The following WNT2 variants were observed in gnomAD, a reference collection of about 807,000 sequenced individuals.
WNT2 encodes the protein Wnt family member 2, also known as protein Wnt-2.
WNT2 carries 12 observed loss-of-function variants against 36.9 expected under a neutral mutation model. The ratio of observed to expected loss-of-function variants is 0.33; its 90% confidence interval spans 0.21 to 0.53. The LOEUF is 0.53. Among genes scored for constraint, WNT2 ranks in the 20% least tolerant of loss-of-function variants. The pLI is 0.95. For missense variants in WNT2, 379 were observed against 473.1 expected, an observed-to-expected ratio of 0.80 and a Z score of 1.84; for synonymous variants, 163 against 174.6, an observed-to-expected ratio of 0.93 and a Z score of 0.52.
chr7:117,288,185 A>G lies in WNT2; in HGVS notation c.853+9427T>C, dbSNP rs545256849. 3.3e-5 allele frequency among the ~76,000 whole-genome samples: 5 copies of G among 152,340 alleles called. No homozygotes were observed. The South Asian group carries it at 1.0e-3, about 32-fold the overall frequency. On this transcript the variant is annotated intron_variant, in intron 4 of 4. Coordinates refer to ENST00000265441, the MANE Select transcript of WNT2 (RefSeq NM_003391.3). ...GGCACATTTTTAAATGATAGAAATTAAAAATGACAACTTAAGAAAGTTTGT... is the reference window on the plus strand; with the variant it reads ...GGCACATTTTTAAATGATAGAAATTGAAAATGACAACTTAAGAAAGTTTGT...
chr7:117,306,467 T>C (rs777273050), intron 3 of WNT2, among the ~76,000 whole-genome samples: 12 of 152,254 alleles, frequency 7.9e-5, no homozygotes, highest in Non-Finnish European at 1.5e-5. Context: ...CTCTTGCTAA[T>C]GTGGGATACC....
intron 2 of WNT2, among the ~76,000 whole-genome samples, chr7:117,319,178 T>C (rs1795274737): frequency 6.6e-6 from 1 of 152,228 alleles, no homozygotes; most frequent in Admixed American, 6.5e-5. Flanking sequence ...CAAGGTCCAG[T>C]TTCTTTAATT....
At position 117,320,553 on chromosome 7, in the gene WNT2, G is replaced by A; in HGVS notation, c.310+14C>T. 6.2e-7 allele frequency: 1 copy of A among 1,609,076 alleles called. No individual in the cohort carries two copies. The highest frequency in any genetic ancestry group is 8.5e-7 in the Non-Finnish European group (1 of 1,177,444). On this transcript the variant is annotated intron_variant, in intron 2 of 4. Coordinates refer to ENST00000265441, the MANE Select transcript of WNT2 (RefSeq NM_003391.3). ...GTGGAGAGCCATAGGGCTGGGTGAA[G>A]GCAGGAGACTTACTTCGGAGTAGGA...
chr7:117,299,168 C>T (rs911540669), intron 3 of WNT2, among the ~76,000 whole-genome samples: 3 of 152,160 alleles, frequency 2.0e-5, no homozygotes, highest in African/African-American at 7.2e-5. Context: ...TGTGCCCCAC[C>T]CCCATCTTTA....
chr7:117,298,121 A>T (rs1037763626), intron 3 of WNT2, among the ~76,000 whole-genome samples: 1 of 152,190 alleles, frequency 6.6e-6, no homozygotes, highest in African/African-American at 2.4e-5. Context: ...CCCACTGGCT[A>T]TCAGTATAAC....
chr7:117,291,237 G>T (rs572014844), intron 4 of WNT2, among the ~76,000 whole-genome samples: 6 of 152,256 alleles, frequency 3.9e-5, no homozygotes, highest in Non-Finnish European at 8.8e-5. Context: ...TGGGTTTTTC[G>T]CAGGCAACAA....
At chr7:117,315,574 C>T (rs888329983) in intron 2 of WNT2, among the ~76,000 whole-genome samples, 1 of 152,204 alleles carries the variant, frequency 6.6e-6, no homozygotes, top group Non-Finnish European at 1.5e-5. Flanking sequence ...TGTGTGGCAG[C>T]TCTTCTTAAA....
chr7:117,320,932 G>A, intron 1 of WNT2, 139 bp from the exon 2 acceptor site: 2 of 797,082 alleles, frequency 2.5e-6, no homozygotes, highest in Non-Finnish European at 3.9e-6. Flanking sequence ...GAAAGCAAGG[G>A]TATTTACTTT....
intron 2 of WNT2, among the ~76,000 whole-genome samples, chr7:117,317,207 T>C (rs528153746): frequency 8.5e-5 from 13 of 152,318 alleles, no homozygotes; most frequent in Admixed American, 8.5e-4. Context: ...ACGGGGATGA[T>C]ACTATATCAG....
rs962324697 is a variant in WNT2 at position 117,322,133 on chromosome 7, A to C, written c.83+774T>G. Reference sequence around the variant, plus strand: ...AGTCGGCAGATGGAGAACGGTTTCTAGATGGGGAGGGAATCTGCCTTTGGA... The same window carrying C: ...AGTCGGCAGATGGAGAACGGTTTCTCGATGGGGAGGGAATCTGCCTTTGGA... On this transcript the variant is annotated intron_variant, in intron 1 of 4. Transcript: ENST00000265441. This position sits in a 1 kb window ranked among gnomAD's most constrained non-coding sequence, Gnocchi z 5.4. 1 of 152,200 alleles carries C rather than the reference A, an allele frequency of 6.6e-6. No homozygotes were observed. The highest frequency in any genetic ancestry group is 1.5e-5 in the Non-Finnish European group (1 of 68,028). The allele number at this position is 152,200 out of a possible 1,614,324, so 9.4% of individuals were successfully genotyped here. A position where few individuals can be genotyped will look rare whatever the true frequency, so the allele number is the denominator to read the frequency against.
chr7:117,313,134 A>T (rs527746359), intron 3 of WNT2, among the ~76,000 whole-genome samples: 34 of 152,372 alleles, frequency 2.2e-4, no homozygotes, highest in Non-Finnish European at 4.0e-4. Flanking sequence ...AAACAAGCCC[A>T]GGCTGTTCTC....
intron 2 of WNT2, among the ~76,000 whole-genome samples, chr7:117,317,564 G>A (rs1367431739): frequency 6.6e-6 from 1 of 152,146 alleles, no homozygotes; most frequent in East Asian, 1.9e-4. Flanking sequence ...AAAATGTTAT[G>A]TGTGAAGTAG....
chr7:117,285,785 A>G (rs1478875014), intron 4 of WNT2, among the ~76,000 whole-genome samples: 2 of 152,224 alleles, frequency 1.3e-5, no homozygotes, highest in Non-Finnish European at 2.9e-5. Flanking sequence ...TTTGATTTAC[A>G]TAGTTCACCT....
intron 4 of WNT2, among the ~76,000 whole-genome samples, chr7:117,295,212 C>CT (rs1794767534): frequency 6.6e-6 from 1 of 152,172 alleles, no homozygotes; most frequent in Non-Finnish European, 1.5e-5. Flanking sequence ...TCTTACTAAC[C>CT]ACAAGTGGGT....
chr7:117,299,498 T>C (rs572627223), intron 3 of WNT2, among the ~76,000 whole-genome samples: 23 of 150,756 alleles, frequency 1.5e-4, no homozygotes, highest in South Asian at 1.3e-3. Context: ...TTCTTTCTTT[T>C]TTTTTTTTTT....
rs1349000140 is a variant in WNT2 at position 117,297,596 on chromosome 7, A to C, written c.853+16T>G. 2 of 1,597,490 alleles carry C rather than the reference A, an allele frequency of 1.3e-6. No individual in the cohort carries two copies. The highest frequency in any genetic ancestry group is 1.3e-5 in the African/African-American group (1 of 74,464). On this transcript the variant is annotated intron_variant, in intron 4 of 4. Coordinates refer to ENST00000265441, the MANE Select transcript of WNT2 (RefSeq NM_003391.3). The stretch of plus-strand genomic sequence containing the variant: ...TGAAAGAATTAGGTACTATAAAGAA[A>C]GTCTTTTGAACTTACCTGCCTCTCG...
chr7:117,278,089 C>A lies in WNT2; in HGVS notation c.*66G>T. ...ATCCCCCCAGAAAGAACCCAAAGGT[C>A]CAGTGTTCTTGCAGATCCAATGGAG... On this transcript the variant is annotated 3_prime_UTR_variant, in exon 5 of 5. Coordinates refer to ENST00000265441, the MANE Select transcript of WNT2 (RefSeq NM_003391.3). The A allele has an allele frequency of 6.5e-7, 1 of 1,539,264 alleles. No homozygotes were observed. The highest frequency in any genetic ancestry group is 1.1e-5 in the South Asian group (1 of 87,016).
At chr7:117,281,390 AC>A (rs1027420598) in intron 4 of WNT2, among the ~76,000 whole-genome samples, 3 of 151,666 alleles carry the variant, frequency 2.0e-5, no homozygotes, top group African/African-American at 7.3e-5. Context: ...GGCACACACC[AC>A]CCCATCCAGC....
intron 2 of WNT2, among the ~76,000 whole-genome samples, chr7:117,318,019 G>C (rs1795252965): frequency 6.6e-6 from 1 of 152,164 alleles, no homozygotes; most frequent in Non-Finnish European, 1.5e-5. Flanking sequence ...CTCTGCCTGT[G>C]ACTGGTAACT....
Sources: allele counts gnomAD v4.1 joint callset (sites outside exome capture counted in the v4.1 genomes callset), GRCh38; gene constraint gnomAD v4.1.1; non-coding constraint Gnocchi (gnomAD v3.1); transcripts MANE v1.5; gene names NCBI Gene and HGNC (gene_info 2026-07-23, HGNC 2026-07-21).